The following MCMDC2 variants were observed in gnomAD, a reference collection of about 807,000 sequenced individuals.
MCMDC2 encodes minichromosome maintenance domain-containing protein 2.
A neutral mutation model predicts 75.8 loss-of-function variants in MCMDC2; 54 were observed. That is an observed-to-expected ratio of 0.71 (90% CI 0.57 to 0.89). MCMDC2 has a LOEUF of 0.89. Ranked by LOEUF, MCMDC2 falls within the 40% of genes least tolerant of loss-of-function variation. MCMDC2 has a pLI of 0.00. For synonymous variants in MCMDC2, 249 were observed against 274.6 expected (o/e 0.91, Z 0.92); for missense variants, 656 against 780.4 (o/e 0.84, Z 1.90).
chr8:66,873,322 T>A (rs985480313), intron 1 of MCMDC2, among the ~76,000 whole-genome samples: 3 of 152,204 alleles, frequency 2.0e-5, no homozygotes, highest in African/African-American at 4.8e-5. Context: ...GGTCAGATGA[T>A]TTCCCCATAG....
In MCMDC2 at chr8:66,890,845, A is replaced by G; in HGVS notation, c.1074-20A>G. 8 of 1,580,182 alleles carry G rather than the reference A, an allele frequency of 5.1e-6. No individual in the cohort carries two copies. Among genetic ancestry groups the G allele is most frequent in the Non-Finnish European group, 6.0e-6 (7 of 1,162,692 alleles). On this transcript the variant is annotated intron_variant, in intron 9 of 14. Transcript: ENST00000422365. The stretch of plus-strand genomic sequence containing the variant: ...TGAAAATTAAATAATAGTAATGAAA[A>G]GTTTATTTTTTTTCCCTAGGCTTCT...
downstream of MCMDC2, among the ~76,000 whole-genome samples, chr8:66,923,835 C>A (rs1352422233): frequency 1.3e-5 from 2 of 152,048 alleles, no homozygotes; most frequent in African/African-American, 4.8e-5. Context: ...TTGCAGTGTG[C>A]TGACATCGCG....
Position 66,883,836 on chromosome 8 carries a change from T to G in MCMDC2, c.915T>G (p.Leu305=), listed in dbSNP as rs763017550. Residue 305 remains leucine, a synonymous_variant, in exon 9 of 15, where the codon CTT becomes CTG. Transcript: ENST00000422365. ...CATGCTGGAAGTTTACAGCAATACT[T>G]GCCAATATCTTTGCATCACAAATTA... ...SSSCWKFTAI[L]ANIFASQITP... 32 of 1,613,896 alleles carry G rather than the reference T, an allele frequency of 2.0e-5. No individual in the cohort carries two copies. In the Admixed American group the frequency reaches 5.0e-4, roughly 25 times the overall value.
At chr8:66,887,945 A>G (rs1256693520) in intron 9 of MCMDC2, among the ~76,000 whole-genome samples, 1 of 152,212 alleles carries the variant, frequency 6.6e-6, no homozygotes, top group Non-Finnish European at 1.5e-5. Context: ...ATTGTTCTAT[A>G]CTTATACCAA....
At chr8:66,882,084 C>A (rs760802917) in intron 8 of MCMDC2, among the ~76,000 whole-genome samples, 2 of 152,116 alleles carry the variant, frequency 1.3e-5, no homozygotes, top group African/African-American at 2.4e-5. Flanking sequence ...TCTTGGGCAG[C>A]CACAAGACAG....
In MCMDC2 at chr8:66,874,694, T is replaced by C. The variant is rs190576037; in HGVS notation, c.285+108T>C. 5.0e-6 allele frequency: 5 copies of C among 997,498 alleles called. No homozygotes were observed. The African/African-American group carries it at 6.6e-5, about 13-fold the overall frequency. 61.8% of individuals were successfully genotyped at this position (997,498 alleles called of 1,614,324 possible). A position where few individuals can be genotyped will look rare whatever the true frequency, so the allele number is the denominator to read the frequency against. ...TTTTATTTAAAAGGATACTACTTTT[T>C]TTCAAAATTCAATAGAATATCTTAC... On this transcript the variant is annotated intron_variant, in intron 4 of 14. Transcript: ENST00000422365.
chr8:66,878,867 A>C lies in MCMDC2; in HGVS notation c.657A>C (p.Gly219=), dbSNP rs567533616. The stretch of plus-strand genomic sequence containing the variant: ...CAAAGGCACTTCGTGCTTTTCAAGG[A>C]TATTCTAACAACCAGCCATTTAGGT... ...IATKALRAFQ[G]YSNNQPFRFQ... Residue 219 remains glycine, a synonymous_variant, in exon 7 of 15, where the codon GGA becomes GGC. Coordinates refer to ENST00000422365, the MANE Select transcript of MCMDC2 (RefSeq NM_173518.5). The C allele has an allele frequency of 1.9e-6, 3 of 1,611,080 alleles. No individual in the cohort carries two copies. In the African/African-American group the frequency reaches 4.0e-5, roughly 21 times the overall value.
chr8:66,882,106 T>G (rs568048673), intron 8 of MCMDC2, among the ~76,000 whole-genome samples: 1 of 152,318 alleles, frequency 6.6e-6, no homozygotes, highest in South Asian at 2.1e-4. Flanking sequence ...TAGATCTCCA[T>G]GCTATTACCC....
At chr8:66,881,054 T>A in intron 8 of MCMDC2, 80 bp downstream of exon 8, 2 of 1,174,388 alleles carry the variant, frequency 1.7e-6, no homozygotes, top group Non-Finnish European at 2.2e-6. Context: ...ATTGTTTGCC[T>A]ATGTGCTAGG....
At chr8:66,908,319 A>C (rs1563388652) in intron 14 of MCMDC2, among the ~76,000 whole-genome samples, 1 of 152,168 alleles carries the variant, frequency 6.6e-6, no homozygotes, top group African/African-American at 2.4e-5. Context: ...CCATTTGCTA[A>C]ATAGGGAATC....
intron 14 of MCMDC2, among the ~76,000 whole-genome samples, chr8:66,916,754 TAGG>T (rs1165707141): frequency 1.3e-5 from 2 of 152,004 alleles, no homozygotes; most frequent in Non-Finnish European, 2.9e-5. Flanking sequence ...ACTGGAAGCA[TAGG>T]AGGTAGAGTA....
At chr8:66,925,657 G>A (rs1813699261), downstream of MCMDC2, 1 of 152,292 alleles carries the variant, frequency 6.6e-6, no homozygotes, top group South Asian at 2.1e-4. Context: ...CTCTGGGGAG[G>A]GGGCGGAGGG....
At chr8:66,888,984 A>C (rs1029897161) in intron 9 of MCMDC2, among the ~76,000 whole-genome samples, 3 of 152,168 alleles carry the variant, frequency 2.0e-5, no homozygotes, top group African/African-American at 7.2e-5. Context: ...ACCACTCCTT[A>C]TAGGCTTGCA....
Position 66,874,542 on chromosome 8 carries a change from G to A in MCMDC2, c.241G>A (p.Val81Ile), listed in dbSNP as rs146704201. The change falls in exon 4 of 15, where the codon GTT becomes ATT. Residue 81 changes from valine to isoleucine, a missense_variant. By Grantham distance (29) the Val-to-Ile change is conservative (BLOSUM62 3). Transcript: ENST00000422365. ...EVFQSVCFIA[V>I]KTLSLIGQLQ... ...GAAATCACAGGTCTGTTTTATTGCT[G>A]TTAAGACTCTCTCATTAATTGGACA... 2 of 1,613,210 alleles carry A rather than the reference G, an allele frequency of 1.2e-6. No individual in the cohort carries two copies. The highest frequency in any genetic ancestry group is 3.3e-5 in the Admixed American group (2 of 59,956).
rs749754343 is a variant in MCMDC2 at position 66,880,868 on chromosome 8, G to T, written c.729G>T (p.Met243Ile). The T allele has an allele frequency of 6.5e-7, 1 of 1,548,252 alleles. No individual in the cohort carries two copies. Among genetic ancestry groups the T allele is most frequent in the Non-Finnish European group, 8.7e-7 (1 of 1,148,596 alleles). ...IFLRDESVNK[M>I]NIGNEYKIIG... ...TTTTAGATGAATCAGTGAATAAAATGAATATAGGAAATGAATATAAAATTA... is the reference window on the plus strand; with the variant it reads ...TTTTAGATGAATCAGTGAATAAAATTAATATAGGAAATGAATATAAAATTA... Residue 243 changes from methionine (M) to isoleucine (I), a missense_variant, in exon 8 of 15, where the codon ATG becomes ATT. Transcript: ENST00000422365.
intron 14 of MCMDC2, among the ~76,000 whole-genome samples, chr8:66,915,813 T>C (rs1813293803): frequency 6.6e-6 from 1 of 152,050 alleles, no homozygotes; most frequent in Non-Finnish European, 1.5e-5. Context: ...ATTCCAATAT[T>C]TATAAATGGG....
chr8:66,905,468 A>G (rs1812869947), intron 14 of MCMDC2, 133 bp downstream of exon 14: 2 of 827,902 alleles, frequency 2.4e-6, no homozygotes, highest in African/African-American at 1.8e-5. Flanking sequence ...TCTACCAGGT[A>G]AGGCCTGTTT....
intron 9 of MCMDC2, among the ~76,000 whole-genome samples, chr8:66,885,298 A>G (rs1228102500): frequency 6.6e-6 from 1 of 150,880 alleles, no homozygotes; most frequent in Non-Finnish European, 1.5e-5. Context: ...GCACCACTGC[A>G]CTCCAGCCTG....
chr8:66,883,794 C>A lies in MCMDC2; in HGVS notation c.873C>A (p.Leu291=). The change falls in exon 9 of 15, where the codon CTC becomes CTA. Residue 291 remains leucine, a synonymous_variant. Coordinates refer to ENST00000422365, the MANE Select transcript of MCMDC2 (RefSeq NM_173518.5). The stretch of plus-strand genomic sequence containing the variant: ...TTAGTGACAACTTCAGGTGTCTCCT[C>A]TCCTTAACTTCCAGCTCATGCTGGA... ...SGISDNFRCL[L]SLTSSSCWKF... 6.2e-7 allele frequency: 1 copy of A among 1,613,154 alleles called. No homozygotes were observed. Among genetic ancestry groups the A allele is most frequent in the Non-Finnish European group, 8.5e-7 (1 of 1,179,572 alleles).
Sources: allele counts gnomAD v4.1 joint callset (sites outside exome capture counted in the v4.1 genomes callset), GRCh38; gene constraint gnomAD v4.1.1; transcripts MANE v1.5; gene names NCBI Gene and HGNC (gene_info 2026-07-23, HGNC 2026-07-21).